The following ERBB4 variants were observed in gnomAD, a reference collection of about 807,000 sequenced individuals.
ERBB4 encodes the protein receptor tyrosine-protein kinase erbB-4.
Under a neutral mutation model 158.0 loss-of-function variants are expected in ERBB4, and 42 were observed. The ratio of observed to expected loss-of-function variants is 0.27; its 90% CI spans 0.21 to 0.34. The LOEUF is 0.34. ERBB4 is among the 10% of genes least tolerant of loss of function. The probability of loss-of-function intolerance (pLI) is 1.00; values close to 1 mark genes in which losing one functional copy is unlikely to be tolerated. For synonymous variants in ERBB4, 583 were observed against 558.7 expected, an observed-to-expected ratio of 1.04 and a Z score of -0.61; for missense variants, 1,333 against 1,624.1, an observed-to-expected ratio of 0.82 and a Z score of 3.08.
chr2:211,966,408 A>C (rs1180053167), intron 2 of ERBB4, among the ~76,000 whole-genome samples: 19 of 151,744 alleles, frequency 1.3e-4, no homozygotes, highest in Non-Finnish European at 4.4e-5. Context: ...CACCCAGCTA[A>C]TTTTTGTATT....
At chr2:211,929,504 T>C (rs1217684810) in intron 3 of ERBB4, among the ~76,000 whole-genome samples, 1 of 152,154 alleles carries the variant, frequency 6.6e-6, no homozygotes, top group Non-Finnish European at 1.5e-5. Flanking sequence ...GTGATGCCTT[T>C]GTACATACAC....
intron 20 of ERBB4, among the ~76,000 whole-genome samples, chr2:211,490,763 T>TA (rs2065320883): frequency 6.6e-6 from 1 of 152,062 alleles, no homozygotes; most frequent in South Asian, 2.1e-4. Flanking sequence ...ATTGCCCTCT[T>TA]ACAGCTTTGC....
chr2:211,515,528 T>C (rs2065999540), intron 20 of ERBB4, among the ~76,000 whole-genome samples: 1 of 151,948 alleles, frequency 6.6e-6, no homozygotes, highest in Admixed American at 6.6e-5. Flanking sequence ...GTCTAAAAGA[T>C]TAGAAAGAGA....
chr2:211,795,370 G>A (rs546416960), intron 3 of ERBB4, among the ~76,000 whole-genome samples: 17 of 151,732 alleles, frequency 1.1e-4, no homozygotes, highest in African/African-American at 2.7e-4. Context: ...GGTATCTGTC[G>A]CATAGTTGCT....
At chr2:211,451,223 T>C (rs1378105178) in intron 20 of ERBB4, among the ~76,000 whole-genome samples, 1 of 152,130 alleles carries the variant, frequency 6.6e-6, no homozygotes, top group Non-Finnish European at 1.5e-5. Context: ...AAATGCAAAA[T>C]GCTAGAATGG....
In ERBB4 at chr2:212,326,587, G is replaced by A. The variant is rs964159175; in HGVS notation, c.83-201684C>T. Among the ~76,000 whole-genome samples the A allele has an allele frequency of 7.3e-5, 11 of 150,602 alleles. 2 individuals carry two copies. The highest frequency in any genetic ancestry group is 6.0e-4 in the Admixed American group (9 of 15,078). ...ACAGAGCATCTCATATCACAGTGAT[G>A]GGTATGTTTTTTAATTTCTATAGAA... On this transcript the variant is annotated intron_variant, in intron 1 of 27. Coordinates refer to ENST00000342788, the MANE Select transcript of ERBB4 (RefSeq NM_005235.3).
chr2:212,242,751 A>G (rs1000505301), intron 1 of ERBB4, among the ~76,000 whole-genome samples: 2 of 152,186 alleles, frequency 1.3e-5, no homozygotes, highest in African/African-American at 4.8e-5. Context: ...ATAAGCTGGT[A>G]CTGCATGTTT....
intron 1 of ERBB4, among the ~76,000 whole-genome samples, chr2:212,303,823 C>G (rs1317694897): frequency 6.6e-6 from 1 of 151,386 alleles, no homozygotes; most frequent in Non-Finnish European, 1.5e-5. Flanking sequence ...CTTAGCTGAT[C>G]TTATAAATAT....
intron 1 of ERBB4, among the ~76,000 whole-genome samples, chr2:212,214,572 T>C (rs949805644): frequency 1.3e-5 from 2 of 151,714 alleles, no homozygotes; most frequent in Admixed American, 6.6e-5. Flanking sequence ...AAAACCACAA[T>C]AAGATACCAT....
Position 212,505,627 on chromosome 2 carries a change from C to T in ERBB4, c.82+32822G>A, listed in dbSNP as rs1028878746. On this transcript the variant is annotated intron_variant, in intron 1 of 27. Coordinates refer to ENST00000342788, the MANE Select transcript of ERBB4 (RefSeq NM_005235.3). ...CTGAGCTGTGTTTGCAGTGAGAAAC[C>T]TTGACGGATGATATAATGTCTCCTA... Among the ~76,000 whole-genome samples, 3 of 148,960 alleles carry T rather than the reference C, an allele frequency of 2.0e-5. 1 individual carries two copies. The highest frequency in any genetic ancestry group is 7.3e-5 in the African/African-American group (3 of 41,252).
intron 2 of ERBB4, among the ~76,000 whole-genome samples, chr2:212,047,787 C>T (rs558433425): frequency 4.1e-4 from 63 of 151,998 alleles, no homozygotes; most frequent in African/African-American, 1.5e-3. Context: ...CCCAGCCCTT[C>T]ATATTAATTT....
chr2:211,423,223 T>C (rs1223741355), intron 23 of ERBB4, among the ~76,000 whole-genome samples: 2 of 151,992 alleles, frequency 1.3e-5, no homozygotes, highest in Non-Finnish European at 2.9e-5. Context: ...AATAGAACTA[T>C]GCTTAGTGAA....
intron 19 of ERBB4, among the ~76,000 whole-genome samples, chr2:211,607,715 G>A (rs943187443): frequency 1.3e-5 from 2 of 151,372 alleles, no homozygotes; most frequent in Non-Finnish European, 2.9e-5. Context: ...CATTTTTTGG[G>A]AAAAAAACAA....
chr2:212,027,041 T>C (rs189124039), intron 2 of ERBB4, among the ~76,000 whole-genome samples: 1 of 152,066 alleles, frequency 6.6e-6, no homozygotes, highest in Non-Finnish European at 1.5e-5. Context: ...TGCTCCATCA[T>C]ACATCAACAT....
intron 20 of ERBB4, among the ~76,000 whole-genome samples, chr2:211,524,441 G>A (rs185424593): frequency 0.084 from 12,604 of 149,242 alleles, 1,026 homozygotes; most frequent in African/African-American, 0.17. Flanking sequence ...GGTGCTCGTC[G>A]GGGAGGCTCG....
intron 3 of ERBB4, among the ~76,000 whole-genome samples, chr2:211,809,657 T>G (rs2076703241): frequency 6.6e-6 from 1 of 152,118 alleles, no homozygotes. Flanking sequence ...GATTCACTGA[T>G]TTTTTTGAAG....
At chr2:212,283,329 T>C (rs1216662974) in intron 1 of ERBB4, among the ~76,000 whole-genome samples, 3 of 152,012 alleles carry the variant, frequency 2.0e-5, no homozygotes, top group South Asian at 2.1e-4. Context: ...CGGTATCATA[T>C]GGCACAATTT....
chr2:211,467,708 GACAA>G (rs1346524057), intron 20 of ERBB4, among the ~76,000 whole-genome samples: 5 of 152,252 alleles, frequency 3.3e-5, no homozygotes, highest in Non-Finnish European at 5.9e-5. Context: ...TAGTTTAAGT[GACAA>G]ACAACAGCAG....
At chr2:211,433,751 G>A (rs2063793078) in intron 20 of ERBB4, among the ~76,000 whole-genome samples, 1 of 152,154 alleles carries the variant, frequency 6.6e-6, no homozygotes, top group South Asian at 2.1e-4. Context: ...CAATTTGGCA[G>A]TCCATGGACT....
Sources: gnomAD v4.1 joint callset for allele counts (sites outside exome capture counted in the v4.1 genomes callset) on GRCh38, gnomAD v4.1.1 for gene constraint, MANE v1.5 for transcripts, NCBI Gene and HGNC (gene_info 2026-07-23, HGNC 2026-07-21) for gene names.